SHCBP1L: variants seen among roughly 807,000 people sequenced by gnomAD.
SHCBP1L encodes the protein SHC binding and spindle associated 1 like, also known as testicular spindle-associated protein SHCBP1L.
SHCBP1L carries 67 observed loss-of-function variants against 62.5 expected under a neutral mutation model. The observed-to-expected ratio is 1.07, with a 90% CI of 0.88 to 1.31. The LOEUF is 1.31. Ranked by LOEUF, SHCBP1L falls within the 40% of genes most tolerant of loss-of-function variation. The pLI is 0.00. For missense variants in SHCBP1L, 823 were observed against 809.8 expected, an observed-to-expected ratio of 1.02 and a Z score of -0.20; for synonymous variants, 284 against 289.4, an observed-to-expected ratio of 0.98 and a Z score of 0.19.
chr1:182,953,160 A>C lies in SHCBP1L; in HGVS notation c.-27T>G. The stretch of plus-strand genomic sequence containing the variant: ...TCCTCAGCAGCCCGAGGGCCGAGGC[A>C]GCCGTTGGCCACTTTTCCCGCCCTC... On this transcript the variant is annotated 5_prime_UTR_variant, in exon 1 of 10. Transcript: ENST00000367547. 2 of 1,570,408 alleles carry C rather than the reference A, an allele frequency of 1.3e-6. No homozygotes were observed. Among genetic ancestry groups the C allele is most frequent in the Non-Finnish European group, 1.7e-6 (2 of 1,166,448 alleles).
chr1:182,939,541 G>T lies in SHCBP1L; in HGVS notation c.783C>A (p.Asp261Glu). Residue 261 changes from aspartate to glutamate, a missense_variant, in exon 4 of 10, where the codon GAC becomes GAA. By Grantham distance (45) the Asp-to-Glu change is conservative. Coordinates refer to ENST00000367547, the MANE Select transcript of SHCBP1L (RefSeq NM_030933.4). Reference protein sequence around the residue: ...LALEVVRFFYDFLWRDWDDEE... With the variant: ...LALEVVRFFYEFLWRDWDDEE... Reference sequence around the variant, plus strand: ...CATCATCCCAGTCTCTCCAAAGAAAGTCATAAAAAAACCTACGATAAACCA... The same window carrying T: ...CATCATCCCAGTCTCTCCAAAGAAATTCATAAAAAAACCTACGATAAACCA... 1 of 1,600,888 alleles carries T rather than the reference G, an allele frequency of 6.2e-7. No homozygotes were observed. The highest frequency in any genetic ancestry group is 8.5e-7 in the Non-Finnish European group (1 of 1,175,214).
chr1:182,916,497 C>T (rs1474006473), intron 6 of SHCBP1L, among the ~76,000 whole-genome samples: 1 of 151,828 alleles, frequency 6.6e-6, no homozygotes. Context: ...CAACTAAAAT[C>T]AGATATGAAG....
At chr1:182,932,893 T>TTG (rs536200796) in intron 5 of SHCBP1L, among the ~76,000 whole-genome samples, 87 of 152,264 alleles carry the variant, frequency 5.7e-4, no homozygotes, top group South Asian at 5.2e-3. Flanking sequence ...GTTATTGTTA[T>TTG]TGTGTGTGTT....
Position 182,953,099 on chromosome 1 carries a change from T to G in SHCBP1L, c.35A>C (p.Asp12Ala). The change falls in exon 1 of 10, where the codon GAC (aspartate) becomes GCC (alanine). Residue 12 changes from aspartate to alanine, a missense_variant. Transcript: ENST00000367547. ...ASGSKASVPADSFRTISPDRR... is the reference protein window; with the variant it reads ...ASGSKASVPAASFRTISPDRR... ...GTCCGGGCTGATGGTGCGGAATGAGTCCGCGGGCACCGAGGCCTTGGAGCC... is the reference window on the plus strand; with the variant it reads ...GTCCGGGCTGATGGTGCGGAATGAGGCCGCGGGCACCGAGGCCTTGGAGCC... 1.3e-6 allele frequency: 2 copies of G among 1,570,808 alleles called. No individual in the cohort carries two copies. Among genetic ancestry groups the G allele is most frequent in the South Asian group, 1.1e-5 (1 of 86,964 alleles).
chr1:182,902,063 T>TA (rs1186339844), intron 9 of SHCBP1L, among the ~76,000 whole-genome samples: 11 of 139,366 alleles, frequency 7.9e-5, no homozygotes, highest in African/African-American at 3.1e-4. Context: ...TTTTTTTTCT[T>TA]TTTTTTTTTT....
intron 2 of SHCBP1L, chr1:182,942,551 C>G (rs1035686040): frequency 1.9e-6 from 1 of 526,700 alleles, no homozygotes; most frequent in Non-Finnish European, 3.4e-6. Context: ...GTTGATTTAG[C>G]TTCATGAACA....
At chr1:182,924,428 G>T (rs1300775280) in intron 6 of SHCBP1L, among the ~76,000 whole-genome samples, 1 of 151,362 alleles carries the variant, frequency 6.6e-6, no homozygotes, top group African/African-American at 2.4e-5. Flanking sequence ...CTCCCGAGTA[G>T]CTGGGACTAC....
In SHCBP1L at chr1:182,920,082, G is replaced by T. The variant is rs192167539; in HGVS notation, c.1182+9565C>A. The stretch of plus-strand genomic sequence containing the variant: ...GCCCCTGCTGATACATGCACACCCT[G>T]CTGCACCGCTGCCACTGTTGGCACA... On this transcript the variant is annotated intron_variant, in intron 6 of 9. Coordinates refer to ENST00000367547, the MANE Select transcript of SHCBP1L (RefSeq NM_030933.4). 3.8e-3 allele frequency among the ~76,000 whole-genome samples: 579 copies of T among 152,286 alleles called. 2 individuals are homozygous for T. Among genetic ancestry groups the T allele is most frequent in the Non-Finnish European group, 6.6e-3 (451 of 68,026 alleles).
intron 6 of SHCBP1L, among the ~76,000 whole-genome samples, chr1:182,925,087 A>G (rs1650699644): frequency 1.3e-5 from 2 of 151,340 alleles, no homozygotes; most frequent in South Asian, 4.2e-4. Context: ...AAAGGAAGGA[A>G]AGGAAGGAAA....
chr1:182,917,190 T>A (rs1414187142), intron 6 of SHCBP1L, among the ~76,000 whole-genome samples: 1 of 152,168 alleles, frequency 6.6e-6, no homozygotes, highest in Non-Finnish European at 1.5e-5. Context: ...GCAATATTCC[T>A]TTTGAATATA....
intron 2 of SHCBP1L, chr1:182,942,125 T>C: frequency 1.1e-6 from 1 of 875,486 alleles, no homozygotes; most frequent in Non-Finnish European, 2.0e-6. Context: ...GGCTTCTTTC[T>C]CTCCTGCTTC....
chr1:182,930,380 A>G (rs1650928981), intron 5 of SHCBP1L, among the ~76,000 whole-genome samples: 1 of 151,500 alleles, frequency 6.6e-6, no homozygotes, highest in Non-Finnish European at 1.5e-5. Context: ...AGAAAGTCAG[A>G]TAAAAAGTTT....
At chr1:182,918,199 T>TAC (rs1264696318) in intron 6 of SHCBP1L, among the ~76,000 whole-genome samples, 9 of 147,420 alleles carry the variant, frequency 6.1e-5, no homozygotes, top group African/African-American at 2.2e-4. Flanking sequence ...CACATATATA[T>TAC]ACATATATAT....
intron 2 of SHCBP1L, among the ~76,000 whole-genome samples, chr1:182,950,833 G>A (rs960781492): frequency 3.3e-5 from 5 of 151,152 alleles, no homozygotes; most frequent in East Asian, 2.0e-4. Context: ...TGCAAGCTCC[G>A]CCTCCTGGGT....
At chr1:182,945,211 G>A (rs139139751) in intron 2 of SHCBP1L, among the ~76,000 whole-genome samples, 5,253 of 152,062 alleles carry the variant, frequency 0.035, 216 homozygotes, top group African/African-American at 0.094. Context: ...CAATCCGTCC[G>A]TCTTGGCCTC....
At chr1:182,901,415 C>A (rs1649830778) in intron 9 of SHCBP1L, among the ~76,000 whole-genome samples, 1 of 152,134 alleles carries the variant, frequency 6.6e-6, no homozygotes, top group Admixed American at 6.5e-5. Flanking sequence ...TGAGATCGCG[C>A]CATTACACTC....
intron 9 of SHCBP1L, among the ~76,000 whole-genome samples, chr1:182,901,810 G>A (rs1332011762): frequency 6.6e-6 from 1 of 152,122 alleles, no homozygotes; most frequent in Non-Finnish European, 1.5e-5. Flanking sequence ...CTTAAAGTGT[G>A]AGTTAAACCA....
chr1:182,913,486 T>A (rs1650254007), intron 6 of SHCBP1L, among the ~76,000 whole-genome samples: 1 of 152,234 alleles, frequency 6.6e-6, no homozygotes, highest in African/African-American at 2.4e-5. Flanking sequence ...TGATAATTCT[T>A]GTTTTGTTGT....
At chr1:182,902,751 G>A (rs1649883925) in intron 9 of SHCBP1L, among the ~76,000 whole-genome samples, 1 of 152,040 alleles carries the variant, frequency 6.6e-6, no homozygotes. Flanking sequence ...ATACCAAAAT[G>A]TATTACAGAT....
Sources: gnomAD v4.1 joint callset for allele counts (sites outside exome capture counted in the v4.1 genomes callset) on GRCh38, gnomAD v4.1.1 for gene constraint, MANE v1.5 for transcripts, NCBI Gene and HGNC (gene_info 2026-07-23, HGNC 2026-07-21) for gene names.